ATG7: variants seen among roughly 807,000 people sequenced by gnomAD.
The protein encoded by ATG7 is autophagy related 7, also known as ubiquitin-like modifier-activating enzyme ATG7.
A neutral mutation model predicts 82.4 loss-of-function variants in ATG7; 70 were observed. The observed-to-expected ratio is 0.85, with a 90% CI of 0.70 to 1.04. The LOEUF (loss-of-function observed/expected upper bound fraction) is 1.04, where lower values mean the gene tolerates loss of function less well. ATG7 is among the 50% of genes least tolerant of loss of function. The pLI, the probability that ATG7 is intolerant of heterozygous loss-of-function variation, is 0.00. For synonymous variants in ATG7, 287 were observed against 313.0 expected (o/e 0.92, Z 0.88); for missense variants, 792 against 864.3 (o/e 0.92, Z 1.05).
At chr3:11,408,089 T>G (rs972535295) in intron 19 of ATG7, among the ~76,000 whole-genome samples, 1 of 152,372 alleles carries the variant, frequency 6.6e-6, no homozygotes, top group Admixed American at 6.5e-5. Context: ...CTTTTGAAAC[T>G]GAATGCCTTT....
intron 20 of ATG7, among the ~76,000 whole-genome samples, chr3:11,473,762 TATATTA>T (rs1309591424): frequency 6.6e-6 from 1 of 152,244 alleles, no homozygotes; most frequent in African/African-American, 2.4e-5. Context: ...ACTGGGAATA[TATATTA>T]ATATTAAATC....
At chr3:11,474,628 CAG>C (rs1390533824) in intron 20 of ATG7, among the ~76,000 whole-genome samples, 7 of 152,102 alleles carry the variant, frequency 4.6e-5, no homozygotes, top group African/African-American at 1.2e-4. Flanking sequence ...AGAAAGAAAA[CAG>C]AGTGTTTGGA....
chr3:11,278,533 A>T (rs1242343970), intron 1 of ATG7, among the ~76,000 whole-genome samples: 1 of 152,236 alleles, frequency 6.6e-6, no homozygotes, highest in East Asian at 1.9e-4. Context: ...TCATTGTTTC[A>T]GTCATCAACA....
chr3:11,441,521 C>A (rs555550649), intron 20 of ATG7, among the ~76,000 whole-genome samples: 5 of 152,066 alleles, frequency 3.3e-5, no homozygotes, highest in Middle Eastern at 3.4e-3. Flanking sequence ...GGATTACAGG[C>A]GTGAGTCACC....
intron 19 of ATG7, among the ~76,000 whole-genome samples, chr3:11,392,912 G>C (rs1428368595): frequency 6.6e-6 from 1 of 152,310 alleles, no homozygotes; most frequent in East Asian, 1.9e-4. Context: ...CCACAGATAA[G>C]AACATTAGCA....
intron 20 of ATG7, among the ~76,000 whole-genome samples, chr3:11,552,126 C>T (rs2071861385): frequency 6.6e-6 from 1 of 152,210 alleles, no homozygotes; most frequent in Non-Finnish European, 1.5e-5. Flanking sequence ...AATTTTATAT[C>T]TTGCTCTTAC....
At chr3:11,404,412 G>T (rs2080135387) in intron 19 of ATG7, among the ~76,000 whole-genome samples, 1 of 151,842 alleles carries the variant, frequency 6.6e-6, no homozygotes, top group Admixed American at 6.6e-5. Flanking sequence ...CTGGGATACG[G>T]GCATGAGCCA....
intron 9 of ATG7, among the ~76,000 whole-genome samples, chr3:11,327,806 C>T (rs1951087469): frequency 6.6e-6 from 1 of 152,168 alleles, no homozygotes; most frequent in Non-Finnish European, 1.5e-5. Context: ...TCTGAAACTT[C>T]CATGGGTGTA....
chr3:11,377,915 C>G (rs2077543054), intron 18 of ATG7, among the ~76,000 whole-genome samples: 1 of 151,990 alleles, frequency 6.6e-6, no homozygotes, highest in African/African-American at 2.4e-5. Context: ...CTGATTATGC[C>G]TCAGGTCATG....
intron 20 of ATG7, among the ~76,000 whole-genome samples, chr3:11,549,362 G>C (rs940481135): frequency 6.6e-6 from 1 of 152,182 alleles, no homozygotes; most frequent in Non-Finnish European, 1.5e-5. Flanking sequence ...CATGTGGTGA[G>C]AGCACCTAAA....
intron 19 of ATG7, among the ~76,000 whole-genome samples, chr3:11,413,146 ATGCCT>A (rs2081066190): frequency 6.6e-6 from 1 of 152,056 alleles, no homozygotes; most frequent in East Asian, 1.9e-4. Flanking sequence ...TTCAATTTGG[ATGCCT>A]TTTATTTATT....
chr3:11,469,833 CA>C (rs1281427083), intron 20 of ATG7, among the ~76,000 whole-genome samples: 2 of 150,940 alleles, frequency 1.3e-5, no homozygotes, highest in African/African-American at 2.4e-5. Context: ...CTAAAAATAC[CA>C]AAAAAAGTAG....
At chr3:11,450,347 T>C (rs946792267) in intron 20 of ATG7, among the ~76,000 whole-genome samples, 1 of 152,212 alleles carries the variant, frequency 6.6e-6, no homozygotes, top group Non-Finnish European at 1.5e-5. Context: ...TGGCAGGCCT[T>C]CACGTGTTTG....
intron 20 of ATG7, among the ~76,000 whole-genome samples, chr3:11,461,979 C>G (rs566516959): frequency 5.0e-4 from 76 of 151,734 alleles, no homozygotes; most frequent in Non-Finnish European, 9.7e-4. Context: ...TGCAGTGAGC[C>G]GAGATCATGC....
intron 19 of ATG7, among the ~76,000 whole-genome samples, chr3:11,423,994 G>T (rs959754814): frequency 2.6e-5 from 4 of 152,074 alleles, no homozygotes; most frequent in Admixed American, 6.6e-5. Context: ...CTGCACAGCT[G>T]GGCCTCAGGG....
chr3:11,558,583 G>A (rs201402320), downstream of ATG7: 104 of 1,603,738 alleles, frequency 6.5e-5, 1 homozygote, highest in East Asian at 1.3e-3. Context: ...GGGAGTGACT[G>A]TGGCTGACCA....
chr3:11,546,254 C>T (rs1297032472), intron 20 of ATG7, among the ~76,000 whole-genome samples: 1 of 145,298 alleles, frequency 6.9e-6, no homozygotes, highest in Non-Finnish European at 1.5e-5. Context: ...TCACTGCAAC[C>T]TCTTCCTTCC....
intron 19 of ATG7, among the ~76,000 whole-genome samples, chr3:11,385,115 C>T (rs1042195693): frequency 3.3e-5 from 5 of 152,130 alleles, no homozygotes; most frequent in Admixed American, 6.6e-5. Flanking sequence ...TTGCAGCCTC[C>T]GCCTCCTGGG....
the ATG7 span, among the ~76,000 whole-genome samples, chr3:11,565,918 G>T: frequency 2.6e-5 from 4 of 152,148 alleles, no homozygotes; most frequent in Admixed American, 2.0e-4. This position sits in a 1 kb window ranked among gnomAD's most constrained non-coding sequence, Gnocchi z 4.1. Flanking sequence ...CTTGGGTCTT[G>T]CCCCTTCAAT....
Sources: allele counts gnomAD v4.1 joint callset (sites outside exome capture counted in the v4.1 genomes callset), GRCh38; gene constraint gnomAD v4.1.1; non-coding constraint Gnocchi (gnomAD v3.1); transcripts MANE v1.5; gene names NCBI Gene and HGNC (gene_info 2026-07-23, HGNC 2026-07-21).